WASHC5: variants seen among roughly 807,000 people sequenced by gnomAD.
WASHC5 encodes the protein WASH complex subunit 5.
WASHC5 carries 101 observed loss-of-function variants against 150.4 expected under a neutral mutation model. The observed-to-expected ratio is 0.67, with a 90% confidence interval of 0.57 to 0.79. WASHC5 has a LOEUF of 0.79. Ranked by LOEUF, WASHC5 falls within the 30% of genes least tolerant of loss-of-function variation. WASHC5 has a pLI of 0.00. For synonymous variants in WASHC5, 467 were observed against 491.2 expected (o/e 0.95, Z 0.65); for missense variants, 1,195 against 1,396.3 (o/e 0.86, Z 2.30).
chr8:125,078,676 A>G, intron 6 of WASHC5, 62 bp downstream of exon 6: 1 of 1,319,696 alleles, frequency 7.6e-7, no homozygotes, highest in African/African-American at 1.4e-5. Flanking sequence ...GAGTAATTAA[A>G]GAGGGAAGTG....
chr8:125,045,284 T>C (rs547801465), intron 20 of WASHC5, among the ~76,000 whole-genome samples: 1 of 152,350 alleles, frequency 6.6e-6, no homozygotes, highest in Admixed American at 6.5e-5. Flanking sequence ...CCATATTTAC[T>C]GGGCACTTAT....
intron 20 of WASHC5, among the ~76,000 whole-genome samples, chr8:125,046,347 T>C (rs1185033435): frequency 6.6e-6 from 1 of 152,216 alleles, no homozygotes; most frequent in Non-Finnish European, 1.5e-5. Context: ...AGCATGCTAG[T>C]CTCTGCCGTG....
chr8:125,079,116 G>GTATATATATATATATATATATATATA (rs57043871), intron 5 of WASHC5, among the ~76,000 whole-genome samples, 186 bp from the exon 6 acceptor site: 7 of 97,910 alleles, frequency 7.1e-5, no homozygotes, highest in Non-Finnish European at 1.1e-4. Flanking sequence ...GTGTGTGTGT[G>GTATATATATATATATATATATATATA]TATATATATA....
At chr8:125,033,525 T>C (rs1175792397) in intron 26 of WASHC5, among the ~76,000 whole-genome samples, 3 of 151,868 alleles carry the variant, frequency 2.0e-5, no homozygotes, top group Admixed American at 6.6e-5. Context: ...CGAAGATATC[T>C]TTGTGACCTT....
At chr8:125,052,950 C>T (rs1038426973) in intron 17 of WASHC5, among the ~76,000 whole-genome samples, 3 of 152,098 alleles carry the variant, frequency 2.0e-5, no homozygotes, top group Non-Finnish European at 4.4e-5. Flanking sequence ...CTTACATTAG[C>T]CTACAGTTGG....
chr8:125,072,474 A>C (rs1816928118), intron 9 of WASHC5, among the ~76,000 whole-genome samples: 1 of 151,876 alleles, frequency 6.6e-6, no homozygotes, highest in Non-Finnish European at 1.5e-5. Flanking sequence ...CCCAGGCTCA[A>C]GTGATCTTCC....
chr8:125,024,834 G>A (rs1815329731), intron 28 of WASHC5, among the ~76,000 whole-genome samples, 161 bp from the exon 29 acceptor site: 1 of 151,786 alleles, frequency 6.6e-6, no homozygotes, highest in Non-Finnish European at 1.5e-5. Context: ...TGCTTGTGGT[G>A]CCCCCTAGAC....
intron 28 of WASHC5, among the ~76,000 whole-genome samples, chr8:125,027,547 T>G (rs1815408605): frequency 6.6e-6 from 1 of 152,220 alleles, no homozygotes; most frequent in African/African-American, 2.4e-5. Context: ...ATATTCCTAC[T>G]GATATGTGGG....
At position 125,079,133 on chromosome 8, in the gene WASHC5, T is replaced by TAC. The variant is rs1418310771; in HGVS notation, c.519-204_519-203insGT. Among the ~76,000 whole-genome samples, 39 of 123,166 alleles carry TAC rather than the reference T, an allele frequency of 3.2e-4. 2 individuals carry two copies. The South Asian group carries it at 9.8e-3, about 31-fold the overall frequency. 80.8% of individuals were successfully genotyped at this position (123,166 alleles called of 152,430 possible). A position where few individuals can be genotyped will look rare whatever the true frequency, so the allele number is the denominator to read the frequency against. On this transcript the variant is annotated intron_variant, in intron 5 of 28. Coordinates refer to ENST00000318410, the MANE Select transcript of WASHC5 (RefSeq NM_014846.4). ...GTGTGTGTGTATATATATATATATA[T>TAC]ATATATACATTTTTTTTTGAGATGG...
chr8:125,073,520 T>C (rs141756789), intron 8 of WASHC5, among the ~76,000 whole-genome samples, 196 bp from the exon 9 acceptor site: 1 of 152,276 alleles, frequency 6.6e-6, no homozygotes, highest in African/African-American at 2.4e-5. Flanking sequence ...GCTCAAACTT[T>C]AACATTTTTA....
At chr8:125,042,885 C>T (rs1396380323) in intron 23 of WASHC5, among the ~76,000 whole-genome samples, 1 of 152,154 alleles carries the variant, frequency 6.6e-6, no homozygotes, top group Admixed American at 6.5e-5. Context: ...CAACCACTCA[C>T]CAAAATTATG....
chr8:125,068,027 G>A (rs939211000), intron 9 of WASHC5, among the ~76,000 whole-genome samples: 3 of 152,188 alleles, frequency 2.0e-5, no homozygotes, highest in African/African-American at 4.8e-5. Flanking sequence ...TGTCTAAAAC[G>A]AATGGGCAGA....
chr8:125,044,770 A>G (rs1341030815), intron 20 of WASHC5, 72 bp from the exon 21 acceptor site: 4 of 1,435,020 alleles, frequency 2.8e-6, no homozygotes, highest in Non-Finnish European at 3.9e-6. Flanking sequence ...AGGACTCAAC[A>G]GGACATGCGG....
At chr8:125,059,639 G>T in intron 12 of WASHC5, 97 bp from the exon 13 acceptor site, 1 of 848,606 alleles carries the variant, frequency 1.2e-6, no homozygotes, top group Non-Finnish European at 1.9e-6. Flanking sequence ...CACTACTTCT[G>T]ACAATTTCTT....
intron 26 of WASHC5, among the ~76,000 whole-genome samples, chr8:125,033,208 C>A (rs546162753): frequency 1.3e-5 from 2 of 152,234 alleles, no homozygotes; most frequent in South Asian, 4.1e-4. Flanking sequence ...GTTTAGGTTG[C>A]CTGATTTCAA....
chr8:125,024,419 A>G lies in WASHC5; in HGVS notation c.*198T>C, dbSNP rs1815313628. On this transcript the variant is annotated 3_prime_UTR_variant, in exon 29 of 29. Coordinates refer to ENST00000318410, the MANE Select transcript of WASHC5 (RefSeq NM_014846.4). ...CTTTTATCTGATATAAATTGCATGT[A>G]ATACCATGATTTAAACAATATCAGT... is the stretch of plus-strand genomic sequence containing the variant. 2 of 623,596 alleles carry G rather than the reference A, an allele frequency of 3.2e-6. No individual in the cohort carries two copies. Among genetic ancestry groups the G allele is most frequent in the Non-Finnish European group, 2.9e-6 (1 of 343,566 alleles). 38.6% of individuals were successfully genotyped at this position (623,596 alleles called of 1,614,324 possible).
intron 19 of WASHC5, among the ~76,000 whole-genome samples, chr8:125,047,941 G>A (rs1816122210): frequency 1.3e-5 from 2 of 151,824 alleles, no homozygotes; most frequent in African/African-American, 4.8e-5. Flanking sequence ...CAACCTCCTG[G>A]GCTCAAGCAA....
At position 125,044,080 on chromosome 8, in the gene WASHC5, C is replaced by T. The variant is rs749525262; in HGVS notation, c.2682G>A (p.Met894Ile). The change falls in exon 22 of 29, where the codon ATG becomes ATA. Residue 894 changes from methionine (M) to isoleucine (I), a missense_variant. This residue lies in a region of WASHC5 where 997 missense variants were observed against 1,168.1 expected (regional missense o/e 0.85). Coordinates refer to ENST00000318410, the MANE Select transcript of WASHC5 (RefSeq NM_014846.4). ...TGTCTCTCAGGATAATTTTCTGAAACATACTGAGGAAATTCTAAAAACAAG... is the reference window on the plus strand; with the variant it reads ...TGTCTCTCAGGATAATTTTCTGAAATATACTGAGGAAATTCTAAAAACAAG... ...IVKELQNFLS[M>I]FQKIILRDRT... 2 of 1,609,250 alleles carry T rather than the reference C, an allele frequency of 1.2e-6. No homozygotes were observed. Among genetic ancestry groups the T allele is most frequent in the Non-Finnish European group, 1.7e-6 (2 of 1,175,654 alleles).
chr8:125,072,203 G>C (rs2130159553), intron 9 of WASHC5, among the ~76,000 whole-genome samples: 1 of 151,980 alleles, frequency 6.6e-6, no homozygotes, highest in South Asian at 2.1e-4. Flanking sequence ...ACTTAGCCAG[G>C]CATGATGGCA....
Sources: allele counts gnomAD v4.1 joint callset (sites outside exome capture counted in the v4.1 genomes callset), GRCh38; gene constraint gnomAD v4.1.1; regional missense constraint gnomAD v4.1.1; transcripts MANE v1.5; gene names NCBI Gene and HGNC (gene_info 2026-07-23, HGNC 2026-07-21).